The following ARHGEF7 variants were observed in gnomAD, a reference collection of about 807,000 sequenced individuals.
The protein encoded by ARHGEF7 is PAK-interacting exchange factor beta.
A neutral mutation model predicts 109.8 loss-of-function variants in ARHGEF7; 33 were observed. The observed-to-expected ratio is 0.30, with a 90% CI of 0.23 to 0.40. The LOEUF (loss-of-function observed/expected upper bound fraction) is 0.40. ARHGEF7 is among the 10% of genes least tolerant of loss of function. The probability of loss-of-function intolerance (pLI) is 1.00; values close to 1 mark genes in which losing one functional copy is unlikely to be tolerated. For missense variants in ARHGEF7, 938 were observed against 1,098.5 expected, an observed-to-expected ratio of 0.85 and a Z score of 2.07; for synonymous variants, 458 against 424.6, an observed-to-expected ratio of 1.08 and a Z score of -0.97.
intron 3 of ARHGEF7, among the ~76,000 whole-genome samples, chr13:111,207,300 C>G (rs1042884752): frequency 6.6e-6 from 1 of 152,230 alleles, no homozygotes; most frequent in African/African-American, 2.4e-5. Context: ...TCCTCAGCAG[C>G]TGGGTCTGCA....
At chr13:111,221,898 C>T (rs988304377) in intron 5 of ARHGEF7, among the ~76,000 whole-genome samples, 22 of 151,944 alleles carry the variant, frequency 1.4e-4, no homozygotes, top group African/African-American at 5.3e-4. Context: ...GCAAGGAGAG[C>T]CAGTCCGAGT....
At chr13:111,223,857 C>G (rs1261822396) in intron 5 of ARHGEF7, among the ~76,000 whole-genome samples, 1 of 141,314 alleles carries the variant, frequency 7.1e-6, no homozygotes, top group Non-Finnish European at 1.5e-5. Context: ...ATTTCTATAG[C>G]ATTTTTTTTT....
rs200802339 is a variant in ARHGEF7, at chr13:111,254,051, C to G, written c.950+9757C>G. Among the ~76,000 whole-genome samples the G allele has an allele frequency of 3.2e-4, 49 of 152,300 alleles. No individual in the cohort carries two copies. In the East Asian group the frequency reaches 8.1e-3, roughly 25 times the overall value. On this transcript the variant is annotated intron_variant, in intron 8 of 21. Transcript: ENST00000646102. Reference sequence around the variant, plus strand: ...AGGGAAGCCTACCCTTCTTGTAGCTCAAGTTGAACCATTGTGGTGCTGGTT... The same window carrying G: ...AGGGAAGCCTACCCTTCTTGTAGCTGAAGTTGAACCATTGTGGTGCTGGTT...
At chr13:111,158,570 G>A (rs1030616962) in intron 2 of ARHGEF7, among the ~76,000 whole-genome samples, 6 of 152,188 alleles carry the variant, frequency 3.9e-5, no homozygotes, top group Admixed American at 1.3e-4. Flanking sequence ...AGCATCCAAA[G>A]GCCCAGGTGG....
intron 2 of ARHGEF7, among the ~76,000 whole-genome samples, chr13:111,165,046 AG>A (rs1256402232): frequency 5.3e-5 from 8 of 152,196 alleles, no homozygotes; most frequent in African/African-American, 7.2e-5. Flanking sequence ...AGTCGGAGTC[AG>A]CTTGAACTTA....
chr13:111,160,540 G>A (rs900038662), intron 2 of ARHGEF7, among the ~76,000 whole-genome samples: 2 of 152,140 alleles, frequency 1.3e-5, no homozygotes, highest in South Asian at 2.1e-4. Context: ...TAATCCCCAC[G>A]TCTAGGGAGA....
rs2092249479 is a variant in ARHGEF7, at chr13:111,272,692, G to C, written c.1074-1122G>C. On this transcript the variant is annotated intron_variant, in intron 9 of 21. Transcript: ENST00000646102. The surrounding 1 kb of genome is among the most constrained non-coding windows in gnomAD (Gnocchi z 5.2). Reference sequence around the variant, plus strand: ...GATGTGGTGACTGAGAAGTCATCCTGGTCTGGACCTGGCATCGGCTGCCAG... The same window carrying C: ...GATGTGGTGACTGAGAAGTCATCCTCGTCTGGACCTGGCATCGGCTGCCAG... 6.6e-6 allele frequency among the ~76,000 whole-genome samples: 1 copy of C among 152,094 alleles called. No homozygotes were observed. Among genetic ancestry groups the C allele is most frequent in the Non-Finnish European group, 1.5e-5 (1 of 68,020 alleles).
intron 21 of ARHGEF7, among the ~76,000 whole-genome samples, chr13:111,302,105 TC>T (rs760633268): frequency 1.3e-4 from 20 of 152,176 alleles, no homozygotes; most frequent in Non-Finnish European, 2.9e-4. Context: ...TGGTGACAAA[TC>T]CTGCGAGGCG....
At chr13:111,280,413 G>A in intron 14 of ARHGEF7, 63 bp downstream of exon 14, 12 of 1,586,444 alleles carry the variant, frequency 7.6e-6, no homozygotes, top group Non-Finnish European at 1.0e-5. Context: ...GTCCCCGCGT[G>A]CAGATTCTTG....
At chr13:111,295,036 C>T in intron 19 of ARHGEF7, 2 of 985,744 alleles carry the variant, frequency 2.0e-6, no homozygotes, top group Non-Finnish European at 2.4e-6. Flanking sequence ...TAGTAGGTGA[C>T]TACCATTTGA....
chr13:111,132,119 C>G (rs940617092), intron 1 of ARHGEF7, among the ~76,000 whole-genome samples: 8 of 152,174 alleles, frequency 5.3e-5, no homozygotes, highest in Non-Finnish European at 1.0e-4. Context: ...GCGTGTTTTT[C>G]TTGATAAAGG....
rs1204727562 is a variant in ARHGEF7, at chr13:111,303,270, G to A, written c.*157G>A. On this transcript the variant is annotated 3_prime_UTR_variant, in exon 22 of 22. Transcript: ENST00000646102. ...AAAGCTGGAGCTTATTCTGCGAATG[G>A]AGACGATCAAACCATGACTGATGAA... 3.0e-6 allele frequency: 2 copies of A among 670,542 alleles called. No homozygotes were observed. Among genetic ancestry groups the A allele is most frequent in the Non-Finnish European group, 4.8e-6 (2 of 419,192 alleles). The allele number at this position is 670,542 out of a possible 1,614,324, so 41.5% of individuals were successfully genotyped here.
At chr13:111,248,145 A>AT (rs1425205054) in intron 8 of ARHGEF7, among the ~76,000 whole-genome samples, 61 of 147,836 alleles carry the variant, frequency 4.1e-4, no homozygotes, top group Non-Finnish European at 6.3e-4. Flanking sequence ...GTTCCTGAAG[A>AT]TTTTTTTTTT....
intron 2 of ARHGEF7, among the ~76,000 whole-genome samples, 198 bp downstream of exon 2, chr13:111,154,189 A>G (rs942995623): frequency 2.0e-5 from 3 of 152,154 alleles, no homozygotes; most frequent in African/African-American, 7.2e-5. Context: ...CGCGCGGGCC[A>G]CCCCCAGGGC....
intron 15 of ARHGEF7, among the ~76,000 whole-genome samples, chr13:111,282,333 A>G (rs1349637042): frequency 6.6e-6 from 1 of 152,210 alleles, no homozygotes. Context: ...TGAGGTCATT[A>G]TTGGCTGATT....
chr13:111,264,760 C>T (rs770700926), intron 8 of ARHGEF7, among the ~76,000 whole-genome samples: 8 of 152,328 alleles, frequency 5.3e-5, no homozygotes, highest in South Asian at 2.1e-4. Context: ...GGAGCACTTA[C>T]ATTTGGTAGA....
intron 1 of ARHGEF7, 158 bp from the exon 2 acceptor site, chr13:111,153,747 G>A: frequency 6.0e-6 from 8 of 1,343,486 alleles, no homozygotes; most frequent in Non-Finnish European, 7.6e-6. Context: ...GGCTGAGCGG[G>A]TTGGCATCTG....
intron 1 of ARHGEF7, among the ~76,000 whole-genome samples, chr13:111,146,954 G>T (rs1036941257): frequency 6.6e-6 from 1 of 152,236 alleles, no homozygotes; most frequent in African/African-American, 2.4e-5. Flanking sequence ...CTATGTCTCT[G>T]CCTGGTTAGA....
intron 19 of ARHGEF7, among the ~76,000 whole-genome samples, chr13:111,297,408 C>A (rs976441812): frequency 6.6e-6 from 1 of 152,208 alleles, no homozygotes; most frequent in African/African-American, 2.4e-5. Flanking sequence ...AAATCCTTCT[C>A]GCATGCTTTA....
Sources: allele counts gnomAD v4.1 joint callset (sites outside exome capture counted in the v4.1 genomes callset), GRCh38; gene constraint gnomAD v4.1.1; non-coding constraint Gnocchi (gnomAD v3.1); transcripts MANE v1.5; gene names NCBI Gene and HGNC (gene_info 2026-07-23, HGNC 2026-07-21).